The following TNNT3 variants were observed in gnomAD, a reference collection of about 807,000 sequenced individuals.
TNNT3 encodes troponin T, fast skeletal muscle.
A neutral mutation model predicts 54.2 loss-of-function variants in TNNT3; 36 were observed. The ratio of observed to expected loss-of-function variants is 0.66; its 90% confidence interval spans 0.51 to 0.88. TNNT3 has a LOEUF of 0.88. TNNT3 is among the 40% of genes least tolerant of loss of function. TNNT3 has a pLI of 0.00. For synonymous variants in TNNT3, 120 were observed against 109.7 expected, an observed-to-expected ratio of 1.09 and a Z score of -0.59; for missense variants, 291 against 331.6, an observed-to-expected ratio of 0.88 and a Z score of 0.95.
intron 1 of TNNT3, among the ~76,000 whole-genome samples, chr11:1,920,988 G>A (rs922237787): frequency 6.6e-6 from 1 of 152,194 alleles, no homozygotes; most frequent in African/African-American, 2.4e-5. Flanking sequence ...CGCACGTCGG[G>A]GGGCCTGGAG....
chr11:1,934,949 C>T (rs2668859), intron 14 of TNNT3, 30 bp downstream of exon 14: 5 of 1,605,906 alleles, frequency 3.1e-6, no homozygotes, highest in Admixed American at 1.7e-5. Flanking sequence ...GCCCTGGGGC[C>T]CTAGCGGCTT....
chr11:1,925,318 G>A (rs760754058), intron 5 of TNNT3: 1 of 1,564,236 alleles, frequency 6.4e-7, no homozygotes. Context: ...TGGGGCCCGG[G>A]GCCTGGCTGG....
chr11:1,928,610 C>T (rs1289888440), intron 6 of TNNT3, among the ~76,000 whole-genome samples: 2 of 152,172 alleles, frequency 1.3e-5, no homozygotes, highest in East Asian at 1.9e-4. Flanking sequence ...CCGGCAGAGG[C>T]TCCTGAGGCC....
chr11:1,937,402 G>C (rs7127650), intron 15 of TNNT3, among the ~76,000 whole-genome samples: 2,458 of 152,302 alleles, frequency 0.016, 61 homozygotes, highest in African/African-American at 0.053. Flanking sequence ...GGGGACCTAG[G>C]ACAGGGAATT....
intron 6 of TNNT3, among the ~76,000 whole-genome samples, chr11:1,928,455 T>C (rs1490047731): frequency 6.6e-6 from 1 of 152,122 alleles, no homozygotes; most frequent in Non-Finnish European, 1.5e-5. Flanking sequence ...ACAGCAGCCA[T>C]GTGGCAGTCA....
At chr11:1,934,306 G>T (rs540484711) in intron 11 of TNNT3, 26 bp from the exon 12 acceptor site, 9 of 1,599,136 alleles carry the variant, frequency 5.6e-6, no homozygotes, top group Non-Finnish European at 7.7e-6. Context: ...CCATCCCTGA[G>T]CATCTTGGGA....
intron 8 of TNNT3, among the ~76,000 whole-genome samples, chr11:1,931,819 A>C (rs1853460870): frequency 6.6e-6 from 1 of 150,388 alleles, no homozygotes; most frequent in Non-Finnish European, 1.5e-5. Context: ...TGAGCTTAGG[A>C]AACCCTTTCC....
chr11:1,931,843 G>A (rs1315473806), intron 8 of TNNT3, among the ~76,000 whole-genome samples: 1 of 151,330 alleles, frequency 6.6e-6, no homozygotes, highest in Non-Finnish European at 1.5e-5. Context: ...TCCAGTTTCT[G>A]ATTGATATTT....
chr11:1,937,273 A>G (rs540698557), intron 15 of TNNT3, among the ~76,000 whole-genome samples: 10 of 152,138 alleles, frequency 6.6e-5, no homozygotes, highest in African/African-American at 2.4e-4. Context: ...CCTCGCCCCG[A>G]GTCTGGCACT....
chr11:1,932,855 T>C (rs1853814292), intron 9 of TNNT3, among the ~76,000 whole-genome samples: 3 of 145,992 alleles, frequency 2.1e-5, no homozygotes, highest in Admixed American at 2.0e-4. Flanking sequence ...CATCCATCCA[T>C]CCATCCATCC....
At chr11:1,936,831 G>A (rs553440759) in intron 14 of TNNT3, 132 bp from the exon 15 acceptor site, 6 of 883,742 alleles carry the variant, frequency 6.8e-6, no homozygotes, top group South Asian at 5.7e-5. Context: ...AGGGAGCCGA[G>A]GAGCCCTCAT....
Position 1,934,285 on chromosome 11 carries a change from T to C in TNNT3, c.367-47T>C, listed in dbSNP as rs780615657. 2.1e-5 allele frequency: 33 copies of C among 1,560,268 alleles called. No homozygotes were observed. The South Asian group carries it at 2.8e-4, about 13-fold the overall frequency. Reference sequence around the variant, plus strand: ...GTCCCTAAAGCCTGCCCAGAAAGCATAGCCCTCTCTCCATCCCTGAGCATC... The same window carrying C: ...GTCCCTAAAGCCTGCCCAGAAAGCACAGCCCTCTCTCCATCCCTGAGCATC... On this transcript the variant is annotated intron_variant, in intron 11 of 15. Transcript: ENST00000278317.
chr11:1,934,256 G>A, intron 11 of TNNT3, 76 bp from the exon 12 acceptor site: 1 of 1,366,536 alleles, frequency 7.3e-7, no homozygotes, highest in Non-Finnish European at 1.0e-6. Context: ...TAAGCCCAGG[G>A]TGGGTCCCTA....
intron 9 of TNNT3, 127 bp from the exon 10 acceptor site, chr11:1,933,594 A>C: frequency 1.3e-6 from 1 of 750,306 alleles, no homozygotes; most frequent in Non-Finnish European, 2.4e-6. Flanking sequence ...TGCCATTTTC[A>C]TGGTGGCCAA....
chr11:1,921,043 TG>T (rs1221296444), intron 1 of TNNT3, among the ~76,000 whole-genome samples: 1 of 151,902 alleles, frequency 6.6e-6, no homozygotes, highest in Admixed American at 6.5e-5. Flanking sequence ...GACTCTGGCC[TG>T]GGGGGACAGG....
chr11:1,936,155 A>T (rs948401190), intron 14 of TNNT3: 8 of 1,602,506 alleles, frequency 5.0e-6, no homozygotes, highest in Non-Finnish European at 6.0e-6. Flanking sequence ...GCTAGCCCAC[A>T]GCCGGGCCTC....
intron 15 of TNNT3, among the ~76,000 whole-genome samples, chr11:1,937,371 C>CG (rs1449218198): frequency 2.0e-5 from 3 of 152,132 alleles, no homozygotes; most frequent in African/African-American, 7.2e-5. Flanking sequence ...CAGGGTATCC[C>CG]GCCAGTGTCC....
At chr11:1,936,355 C>A (rs1011387551) in intron 14 of TNNT3, 2 of 1,349,290 alleles carry the variant, frequency 1.5e-6, no homozygotes, top group African/African-American at 1.4e-5. Context: ...AGGATGCTGG[C>A]GGCAGGGGGC....
Position 1,938,585 on chromosome 11 carries a change from C to T in TNNT3, c.*93C>T, listed in dbSNP as rs1590034454. 2 of 1,336,472 alleles carry T rather than the reference C, an allele frequency of 1.5e-6. No individual in the cohort carries two copies. Among genetic ancestry groups the T allele is most frequent in the East Asian group, 4.9e-5 (2 of 40,678 alleles). 82.8% of individuals were successfully genotyped at this position (1,336,472 alleles called of 1,614,324 possible). On this transcript the variant is annotated 3_prime_UTR_variant, in exon 16 of 16. Coordinates refer to ENST00000278317, the MANE Select transcript of TNNT3 (RefSeq NM_006757.4). The stretch of plus-strand genomic sequence containing the variant: ...CTCCACATCCTCCAGCCCCCACAAT[C>T]CTGTCAGGGGCTCCCTGACAGTCCT...
Sources: gnomAD v4.1 joint callset for allele counts (sites outside exome capture counted in the v4.1 genomes callset) on GRCh38, gnomAD v4.1.1 for gene constraint, MANE v1.5 for transcripts, NCBI Gene and HGNC (gene_info 2026-07-23, HGNC 2026-07-21) for gene names.